ABCC1: variants seen among roughly 807,000 people sequenced by gnomAD.
ABCC1 encodes the protein ATP binding cassette subfamily C member 1 (ABCC1 blood group).
A neutral mutation model predicts 172.9 loss-of-function variants in ABCC1; 83 were observed. The ratio of observed to expected loss-of-function variants is 0.48; its 90% CI spans 0.40 to 0.58. The LOEUF is 0.58. Ranked by LOEUF, ABCC1 falls within the 20% of genes least tolerant of loss-of-function variation. The pLI, the probability that ABCC1 is intolerant of heterozygous loss-of-function variation, is 0.00. For synonymous variants in ABCC1, 937 were observed against 825.2 expected (o/e 1.14, Z -2.32); for missense variants, 1,817 against 2,002.7 (o/e 0.91, Z 1.77).
intron 7 of ABCC1, among the ~76,000 whole-genome samples, chr16:16,041,480 G>C (rs980621902): frequency 6.6e-6 from 1 of 152,118 alleles, no homozygotes; most frequent in African/African-American, 2.4e-5. Flanking sequence ...TCAGCGTGGA[G>C]CCAGGGGATC....
intron 1 of ABCC1, among the ~76,000 whole-genome samples, chr16:15,969,044 C>G (rs2046310546): frequency 6.6e-6 from 1 of 151,986 alleles, no homozygotes; most frequent in Admixed American, 6.6e-5. Context: ...TCCATCTCTA[C>G]TAAAAATACA....
At chr16:16,093,673 G>C (rs1193806903) in intron 19 of ABCC1, among the ~76,000 whole-genome samples, 1 of 152,178 alleles carries the variant, frequency 6.6e-6, no homozygotes, top group East Asian at 1.9e-4. Context: ...ATAAAGTCTT[G>C]ACATCAGGGT....
In ABCC1 at chr16:16,122,016, G is replaced by A; in HGVS notation, c.3432G>A (p.Glu1144=). The change falls in exon 24 of 31, where the codon GAG becomes GAA. Residue 1144 remains glutamate, a synonymous_variant. Transcript: ENST00000399410. ...VASSRQLKRL[E]SVSRSPVYSH... ...CCTCCCGGCAGCTGAAGCGCCTCGA[G>A]TCGGTCAGCCGCTCCCCGGTCTATT... 1 of 1,614,230 alleles carries A rather than the reference G, an allele frequency of 6.2e-7. No homozygotes were observed. Among genetic ancestry groups the A allele is most frequent in the Non-Finnish European group, 8.5e-7 (1 of 1,180,050 alleles).
At chr16:15,983,103 GT>G (rs2046665146) in intron 1 of ABCC1, among the ~76,000 whole-genome samples, 1 of 152,118 alleles carries the variant, frequency 6.6e-6, no homozygotes, top group Non-Finnish European at 1.5e-5. Context: ...GTACCATGAA[GT>G]TGTTAAATGG....
intron 15 of ABCC1, among the ~76,000 whole-genome samples, chr16:16,078,606 C>A (rs1567379228): frequency 6.6e-6 from 1 of 152,154 alleles, no homozygotes; most frequent in South Asian, 2.1e-4. Flanking sequence ...GTGCCTTCAC[C>A]CCTTTACACC....
chr16:16,134,248 G>C, intron 27 of ABCC1, 102 bp from the exon 28 acceptor site: 2 of 1,466,858 alleles, frequency 1.4e-6, no homozygotes, highest in Non-Finnish European at 1.9e-6. Context: ...GGGTTGACCA[G>C]ATGACTGATG....
chr16:15,957,827 C>T (rs2046032498), intron 1 of ABCC1, among the ~76,000 whole-genome samples: 2 of 151,894 alleles, frequency 1.3e-5, no homozygotes, highest in Non-Finnish European at 2.9e-5. Context: ...CTCTTGACCT[C>T]GTGATCCGCC....
At chr16:16,017,777 AAG>A (rs1391073099) in intron 5 of ABCC1, among the ~76,000 whole-genome samples, 5 of 152,044 alleles carry the variant, frequency 3.3e-5, no homozygotes, top group African/African-American at 4.8e-5. Flanking sequence ...AGCTTTTGAT[AAG>A]AGAGATCTGG....
intron 2 of ABCC1, among the ~76,000 whole-genome samples, chr16:16,009,298 G>A (rs2047679322): frequency 6.6e-6 from 1 of 151,998 alleles, no homozygotes; most frequent in Admixed American, 6.6e-5. Context: ...TTTATCATGA[G>A]CTTTTGTTCT....
At chr16:16,003,535 G>T (rs530899184) in intron 1 of ABCC1, among the ~76,000 whole-genome samples, 1 of 148,238 alleles carries the variant, frequency 6.7e-6, no homozygotes, top group South Asian at 2.2e-4. Context: ...GAATTGGTAG[G>T]TGGGTGGATG....
intron 1 of ABCC1, among the ~76,000 whole-genome samples, chr16:15,968,472 G>A (rs1004726894): frequency 1.3e-5 from 2 of 152,050 alleles, no homozygotes; most frequent in African/African-American, 4.8e-5. Flanking sequence ...CAGGTGGCGT[G>A]ATCTCTGCTC....
At chr16:15,960,358 C>T (rs2046100292) in intron 1 of ABCC1, among the ~76,000 whole-genome samples, 1 of 152,104 alleles carries the variant, frequency 6.6e-6, no homozygotes, top group South Asian at 2.1e-4. Context: ...GTGTGAGCCA[C>T]CACGCCCAGC....
chr16:16,081,519 C>A lies in ABCC1; in HGVS notation c.2116-1847C>A, dbSNP rs148414921. On this transcript the variant is annotated intron_variant, in intron 16 of 30. Coordinates refer to ENST00000399410, the MANE Select transcript of ABCC1 (RefSeq NM_004996.4). ...CTAGAAATGTATATAAAATATTTATCTTTTCCCAAATGTTTTAGTTGGTGT... is the reference window on the plus strand; with the variant it reads ...CTAGAAATGTATATAAAATATTTATATTTTCCCAAATGTTTTAGTTGGTGT... 2.6e-5 allele frequency among the ~76,000 whole-genome samples: 4 copies of A among 152,272 alleles called. No homozygotes were observed. The East Asian group carries it at 5.8e-4, about 22-fold the overall frequency.
chr16:16,093,277 T>C (rs144796052), intron 19 of ABCC1, among the ~76,000 whole-genome samples: 1 of 152,108 alleles, frequency 6.6e-6, no homozygotes, highest in Non-Finnish European at 1.5e-5. Context: ...AATGTGTGGG[T>C]TTAGCTGAAT....
chr16:16,111,932 C>T (rs1297492140), intron 22 of ABCC1, among the ~76,000 whole-genome samples: 2 of 152,130 alleles, frequency 1.3e-5, no homozygotes, highest in African/African-American at 2.4e-5. Flanking sequence ...GTCTCATTTG[C>T]GGACTTTTGC....
At chr16:16,114,560 C>T (rs528173059) in intron 22 of ABCC1, among the ~76,000 whole-genome samples, 7 of 152,162 alleles carry the variant, frequency 4.6e-5, no homozygotes, top group South Asian at 4.1e-4. Flanking sequence ...AGGCTGGTCT[C>T]GATCTCCTGA....
intron 20 of ABCC1, among the ~76,000 whole-genome samples, chr16:16,103,694 C>G (rs562615655): frequency 2.6e-5 from 4 of 152,122 alleles, no homozygotes; most frequent in Non-Finnish European, 4.4e-5. Flanking sequence ...AGAAAGGATC[C>G]CGGACCTGCA....
At chr16:16,121,238 T>G (rs1362724018) in intron 23 of ABCC1, among the ~76,000 whole-genome samples, 1 of 152,216 alleles carries the variant, frequency 6.6e-6, no homozygotes, top group Non-Finnish European at 1.5e-5. Flanking sequence ...GAGATGGCAT[T>G]TTGCCATGTG....
At chr16:16,128,620 G>A (rs776524877) in intron 26 of ABCC1, among the ~76,000 whole-genome samples, 26 of 151,982 alleles carry the variant, frequency 1.7e-4, no homozygotes, top group Non-Finnish European at 2.8e-4. Flanking sequence ...TCTCCATTCC[G>A]CTCACTGTGT....
Sources: allele counts gnomAD v4.1 joint callset (sites outside exome capture counted in the v4.1 genomes callset), GRCh38; gene constraint gnomAD v4.1.1; transcripts MANE v1.5; gene names NCBI Gene and HGNC (gene_info 2026-07-23, HGNC 2026-07-21).